ZFR2: variants seen among roughly 807,000 people sequenced by gnomAD.
The protein encoded by ZFR2 is zinc finger RNA binding protein 2.
Under a neutral mutation model 105.7 loss-of-function variants are expected in ZFR2, and 104 were observed. The observed-to-expected ratio is 0.98, with a 90% CI of 0.84 to 1.16. The LOEUF (loss-of-function observed/expected upper bound fraction) is 1.16, where lower values mean the gene tolerates loss of function less well. ZFR2 is among the 50% of genes most tolerant of loss of function. The probability of loss-of-function intolerance (pLI) is 0.00; values close to 1 mark genes in which losing one functional copy is unlikely to be tolerated. For missense variants in ZFR2, 1,425 were observed against 1,355.5 expected (o/e 1.05, Z -0.80); for synonymous variants, 634 against 597.7 (o/e 1.06, Z -0.89).
At chr19:3,816,243 CTTTT>C (rs58609703) in intron 13 of ZFR2, among the ~76,000 whole-genome samples, 3 of 115,070 alleles carry the variant, frequency 2.6e-5, no homozygotes, top group Non-Finnish European at 1.7e-5. Context: ...CTTCTTGTAT[CTTTT>C]TTTTTTTTTT....
chr19:3,845,628 CAAA>C (rs34786955), intron 1 of ZFR2, among the ~76,000 whole-genome samples: 1 of 126,938 alleles, frequency 7.9e-6, no homozygotes, highest in Non-Finnish European at 1.7e-5. Context: ...CCCATCTTTA[CAAA>C]AAAAAAAAAA....
rs536496788 is a variant in ZFR2, at chr19:3,846,268, C to A, written c.54-11285G>T. Among the ~76,000 whole-genome samples, 7 of 152,372 alleles carry A rather than the reference C, an allele frequency of 4.6e-5. No homozygotes were observed. The South Asian group carries it at 1.4e-3, about 32-fold the overall frequency. On this transcript the variant is annotated intron_variant, in intron 1 of 18. Transcript: ENST00000262961. ...CTGGGATTACAGGCGTGAGCCACTGCACCTGGCCCATTTTTCCAAATATTT... is the reference window on the plus strand; with the variant it reads ...CTGGGATTACAGGCGTGAGCCACTGAACCTGGCCCATTTTTCCAAATATTT...
chr19:3,844,437 G>A (rs981735056), intron 1 of ZFR2, among the ~76,000 whole-genome samples: 33 of 151,338 alleles, frequency 2.2e-4, no homozygotes, highest in Admixed American at 2.0e-3. Flanking sequence ...GTGCGATCTC[G>A]GCTCACTGCA....
chr19:3,845,755 A>G (rs2038179077), intron 1 of ZFR2, among the ~76,000 whole-genome samples: 1 of 152,054 alleles, frequency 6.6e-6, no homozygotes, highest in Non-Finnish European at 1.5e-5. Context: ...TGATCACACC[A>G]CTGCACTCCA....
rs756958373 is a variant in ZFR2 at position 3,811,298 on chromosome 19, C to T, written c.2311G>A (p.Ala771Thr). 57 of 1,602,164 alleles carry T rather than the reference C, an allele frequency of 3.6e-5. No individual in the cohort carries two copies. The highest frequency in any genetic ancestry group is 3.2e-4 in the East Asian group (14 of 44,336). ...SPKKCLESLA[A>T]LRHARWFQAR... ...TGAAACCACCTGGCATGACGGAGGG[C>T]GGCCAGGGACTCGAGGCACTTCTTG... Residue 771 changes from alanine to threonine, a missense_variant, in exon 15 of 19, where the codon GCC becomes ACC. By Grantham distance (58) the Ala-to-Thr change is moderately conservative. Coordinates refer to ENST00000262961, the MANE Select transcript of ZFR2 (RefSeq NM_015174.2).
chr19:3,806,123 G>T lies in ZFR2; in HGVS notation c.2646C>A (p.His882Gln). The change falls in exon 19 of 19, where the codon CAC becomes CAA. Residue 882 changes from histidine (H) to glutamine (Q), a missense_variant and splice_region_variant. Physicochemically the swap from His to Gln is conservative, Grantham distance 24. Transcript: ENST00000262961. The stretch of plus-strand genomic sequence containing the variant: ...GCCGGAAGGCCAGCATTCGCAGGGC[G>T]TGCTGCGGGGCACACACAGCCTGTC... ...EREDVTASAQ[H>Q]ALRMLAFRQT... is the part of the protein sequence containing the mutation. 2.1e-6 allele frequency: 3 copies of T among 1,446,298 alleles called. No homozygotes were observed. The highest frequency in any genetic ancestry group is 2.7e-6 in the Non-Finnish European group (3 of 1,099,640). The allele number at this position is 1,446,298 out of a possible 1,614,324, so 89.6% of individuals were successfully genotyped here.
At chr19:3,850,200 C>T (rs75356170) in intron 1 of ZFR2, among the ~76,000 whole-genome samples, 1 of 152,218 alleles carries the variant, frequency 6.6e-6, no homozygotes, top group East Asian at 1.9e-4. Flanking sequence ...GGAGGCTCCC[C>T]CAGAGGCTGG....
intron 17 of ZFR2, among the ~76,000 whole-genome samples, chr19:3,807,725 CGTGT>C (rs139884226): frequency 0.13 from 19,660 of 146,196 alleles, 1,562 homozygotes; most frequent in Admixed American, 0.28. Flanking sequence ...ACGGTGTGCC[CGTGT>C]GTGTGTGCAT....
Position 3,839,536 on chromosome 19 carries a change from C to CAAAAAAAAA in ZFR2, c.54-4562_54-4554dup, listed in dbSNP as rs60712587. ...CCTGGGTGACAGAGCGGGATTCTGT[C>CAAAAAAAAA]AAAAAAAAAAAAAAAAAAAAAAAAA... is the stretch of plus-strand genomic sequence containing the variant. On this transcript the variant is annotated intron_variant, in intron 1 of 18. Transcript: ENST00000262961. 4.1e-4 allele frequency among the ~76,000 whole-genome samples: 15 copies of CAAAAAAAAA among 36,640 alleles called. 2 individuals carry two copies. Among genetic ancestry groups the CAAAAAAAAA allele is most frequent in the Non-Finnish European group, 5.0e-4 (10 of 20,064 alleles). 24.0% of individuals were successfully genotyped at this position (36,640 alleles called of 152,430 possible).
Position 3,811,395 on chromosome 19 carries a change from G to A in ZFR2, c.2243-29C>T, listed in dbSNP as rs748581742. 227 of 1,549,818 alleles carry A rather than the reference G, an allele frequency of 1.5e-4. 1 individual carries two copies. The highest frequency in any genetic ancestry group is 6.8e-4 in the Middle Eastern group (4 of 5,866). On this transcript the variant is annotated intron_variant, in intron 14 of 18. Transcript: ENST00000262961. ...CTAGAAGAAAAACCTCGAGGTGTGCGGGGAAGGTGCCTCGTCCCGCTCTGC... is the reference window on the plus strand; with the variant it reads ...CTAGAAGAAAAACCTCGAGGTGTGCAGGGAAGGTGCCTCGTCCCGCTCTGC...
At chr19:3,855,895 C>T (rs995617315) in intron 1 of ZFR2, among the ~76,000 whole-genome samples, 1 of 152,276 alleles carries the variant, frequency 6.6e-6, no homozygotes, top group South Asian at 2.1e-4. Context: ...GGGCAGAGGA[C>T]ACCATGATGG....
intron 10 of ZFR2, among the ~76,000 whole-genome samples, chr19:3,820,783 G>GGACAGAGGGACACCAGGA (rs758939508): frequency 0.32 from 38,587 of 122,218 alleles, 7,299 homozygotes; most frequent in Middle Eastern, 0.37. Flanking sequence ...GGACACCAGG[G>GGACAGAGGGACACCAGGA]GTCAGGGGGA....
chr19:3,821,629 TCGAGACA>T, intron 9 of ZFR2, 150 bp from the exon 10 acceptor site: 1 of 542,720 alleles, frequency 1.8e-6, no homozygotes, highest in Non-Finnish European at 2.7e-6. Flanking sequence ...TTTTTTTTTT[TCGAGACA>T]GAGTCTTGCT....
Position 3,813,109 on chromosome 19 carries a change from C to T in ZFR2, c.2242+711G>A, listed in dbSNP as rs75490709. Among the ~76,000 whole-genome samples, 321 of 152,108 alleles carry T rather than the reference C, an allele frequency of 2.1e-3. 3 individuals are homozygous for T. Among genetic ancestry groups the T allele is most frequent in the African/African-American group, 7.3e-3 (303 of 41,490 alleles). On this transcript the variant is annotated intron_variant, in intron 14 of 18. Coordinates refer to ENST00000262961, the MANE Select transcript of ZFR2 (RefSeq NM_015174.2). This position sits in a 1 kb window ranked among gnomAD's most constrained non-coding sequence, Gnocchi z 4.4. ...AACAAACAAACAAAAAATACCAAAT[C>T]GATTGAAAGAGAAACATCAGTAGGT...
At chr19:3,839,972 C>T (rs1471416886) in intron 1 of ZFR2, among the ~76,000 whole-genome samples, 1 of 152,128 alleles carries the variant, frequency 6.6e-6, no homozygotes, top group Non-Finnish European at 1.5e-5. Flanking sequence ...CTGTATACAA[C>T]ACGGTGTTGT....
chr19:3,811,296 G>A lies in ZFR2; in HGVS notation c.2313C>T (p.Ala771=), dbSNP rs372395870. The A allele has an allele frequency of 1.9e-6, 3 of 1,602,078 alleles. No individual in the cohort carries two copies. Among genetic ancestry groups the A allele is most frequent in the East Asian group, 2.3e-5 (1 of 44,316 alleles). Reference sequence around the variant, plus strand: ...CCTGAAACCACCTGGCATGACGGAGGGCGGCCAGGGACTCGAGGCACTTCT... The same window carrying A: ...CCTGAAACCACCTGGCATGACGGAGAGCGGCCAGGGACTCGAGGCACTTCT... ...SPKKCLESLA[A]LRHARWFQAR... The change falls in exon 15 of 19, where the codon GCC becomes GCT. Residue 771 remains alanine, a synonymous_variant. Transcript: ENST00000262961.
At chr19:3,829,466 G>A (rs1242241296) in intron 5 of ZFR2, among the ~76,000 whole-genome samples, 1 of 152,050 alleles carries the variant, frequency 6.6e-6, no homozygotes, top group Non-Finnish European at 1.5e-5. Context: ...GTGTGTGTGT[G>A]TGTGTGTGTG....
Position 3,813,575 on chromosome 19 carries a change from AGCAAG to A in ZFR2, c.2242+240_2242+244del, listed in dbSNP as rs577311504. On this transcript the variant is annotated intron_variant, in intron 14 of 18. Transcript: ENST00000262961. The surrounding 1 kb of genome is among the most constrained non-coding windows in gnomAD (Gnocchi z 4.4). Reference sequence around the variant, plus strand: ...GAGGTGACACGGTGTCGCTTGCCCGAGCAAGGCCCCTGCAGCCAGGCTCTGAGCCC... The same window carrying A: ...GAGGTGACACGGTGTCGCTTGCCCGAGCCCCTGCAGCCAGGCTCTGAGCCC... Among the ~76,000 whole-genome samples, 23 of 152,292 alleles carry A rather than the reference AGCAAG, an allele frequency of 1.5e-4. No individual in the cohort carries two copies. The East Asian group carries it at 4.2e-3, about 28-fold the overall frequency.
At position 3,858,209 on chromosome 19, in the gene ZFR2, A is replaced by G. The variant is rs1370016847; in HGVS notation, c.53+10756T>C. ...GAGCTGCCCACGTCACCTGGCCCAGAGCTCTTTCTGTAGGGCCATGCTCTT... is the reference window on the plus strand; with the variant it reads ...GAGCTGCCCACGTCACCTGGCCCAGGGCTCTTTCTGTAGGGCCATGCTCTT... On this transcript the variant is annotated intron_variant, in intron 1 of 18. Transcript: ENST00000262961. The surrounding 1 kb of genome is among the most constrained non-coding windows in gnomAD (Gnocchi z 4.3). Among the ~76,000 whole-genome samples, 1 of 152,112 alleles carries G rather than the reference A, an allele frequency of 6.6e-6. No homozygotes were observed. Among genetic ancestry groups the G allele is most frequent in the Non-Finnish European group, 1.5e-5 (1 of 68,040 alleles).
Sources: allele counts gnomAD v4.1 joint callset (sites outside exome capture counted in the v4.1 genomes callset), GRCh38; gene constraint gnomAD v4.1.1; non-coding constraint Gnocchi (gnomAD v3.1); transcripts MANE v1.5; gene names NCBI Gene and HGNC (gene_info 2026-07-23, HGNC 2026-07-21).